The following MYT1L variants were observed in gnomAD, a reference collection of about 807,000 sequenced individuals.
MYT1L encodes the protein myelin transcription factor 1-like protein.
In MYT1L, 12 loss-of-function variants were observed where a neutral mutation model predicts 126.7. The observed-to-expected ratio is 0.09, with a 90% CI of 0.06 to 0.15. MYT1L has a LOEUF of 0.15. Among genes scored for constraint, MYT1L ranks in the 10% least tolerant of loss-of-function variants. The pLI is 1.00. For missense variants in MYT1L, 979 were observed against 1,585.2 expected, an observed-to-expected ratio of 0.62 and a Z score of 6.49; for synonymous variants, 541 against 604.2, an observed-to-expected ratio of 0.90 and a Z score of 1.53.
At chr2:1,946,807 C>G (rs2057272395) in intron 8 of MYT1L, among the ~76,000 whole-genome samples, 1 of 152,094 alleles carries the variant, frequency 6.6e-6, no homozygotes, top group Admixed American at 6.5e-5. Flanking sequence ...CCAGCCACAC[C>G]TTCATGCTGA....
intron 3 of MYT1L, among the ~76,000 whole-genome samples, chr2:2,133,275 G>A (rs1325491859): frequency 6.6e-6 from 1 of 152,176 alleles, no homozygotes; most frequent in Non-Finnish European, 1.5e-5. Flanking sequence ...CATACAGTTA[G>A]TGTCAATCAA....
chr2:1,980,366 C>G (rs1485258693), intron 5 of MYT1L, among the ~76,000 whole-genome samples: 1 of 149,776 alleles, frequency 6.7e-6, no homozygotes, highest in Admixed American at 6.7e-5. Context: ...CTCCTTGTAA[C>G]TGAAAGTTTT....
At chr2:1,900,118 C>T (rs891415315) in intron 14 of MYT1L, among the ~76,000 whole-genome samples, 1 of 152,206 alleles carries the variant, frequency 6.6e-6, no homozygotes, top group Non-Finnish European at 1.5e-5. Context: ...GGAACAATGA[C>T]TCAATTCTTT....
rs879542562 is a variant in MYT1L at position 1,910,508 on chromosome 2, G to C, written c.1710-161C>G. ...GTCCTGATGGGTGGACTGGGAGAGG[G>C]GGAGGTAGTCATGTTTCCAGGTGCA... is the stretch of plus-strand genomic sequence containing the variant. On this transcript the variant is annotated intron_variant, in intron 12 of 24. Coordinates refer to ENST00000647738, the MANE Select transcript of MYT1L (RefSeq NM_001303052.2). The surrounding 1 kb of genome is among the most constrained non-coding windows in gnomAD (Gnocchi z 4.8). Among the ~76,000 whole-genome samples, 1 of 152,176 alleles carries C rather than the reference G, an allele frequency of 6.6e-6. No individual in the cohort carries two copies. Among genetic ancestry groups the C allele is most frequent in the Non-Finnish European group, 1.5e-5 (1 of 68,024 alleles).
chr2:2,249,292 T>C (rs1424648258), intron 2 of MYT1L, among the ~76,000 whole-genome samples: 2 of 151,088 alleles, frequency 1.3e-5, no homozygotes, highest in Non-Finnish European at 3.0e-5. Context: ...TAAAAACAAA[T>C]ACCTAGGAAT....
At chr2:2,045,032 A>C (rs2150042376) in intron 4 of MYT1L, among the ~76,000 whole-genome samples, 1 of 152,354 alleles carries the variant, frequency 6.6e-6, no homozygotes, top group Non-Finnish European at 1.5e-5. Context: ...ATTTCCATGT[A>C]AATGAGGAGC....
chr2:2,177,657 T>C (rs565555472), intron 2 of MYT1L, among the ~76,000 whole-genome samples: 1 of 152,294 alleles, frequency 6.6e-6, no homozygotes, highest in East Asian at 1.9e-4. Context: ...TGGTACATGG[T>C]GGCAGGTGAA....
At chr2:2,049,655 G>T (rs1313574859) in intron 4 of MYT1L, among the ~76,000 whole-genome samples, 4 of 152,166 alleles carry the variant, frequency 2.6e-5, no homozygotes, top group Non-Finnish European at 5.9e-5. Context: ...CACATGTTGT[G>T]GGAGGGACCA....
chr2:1,836,815 T>C (rs574383662), intron 21 of MYT1L, among the ~76,000 whole-genome samples: 2 of 152,208 alleles, frequency 1.3e-5, no homozygotes, highest in East Asian at 3.9e-4. Flanking sequence ...ACCCCAATAT[T>C]CCATCAGCCT....
intron 2 of MYT1L, among the ~76,000 whole-genome samples, chr2:2,279,177 T>G (rs555268778): frequency 4.6e-5 from 7 of 152,326 alleles, no homozygotes; most frequent in Admixed American, 3.3e-4. Flanking sequence ...ACAGTTGTGA[T>G]GCTGTAAGGC....
rs547493409 is a variant in MYT1L at position 1,948,235 on chromosome 2, G to A, written c.153-4901C>T. 2.0e-5 allele frequency among the ~76,000 whole-genome samples: 3 copies of A among 152,218 alleles called. No individual in the cohort carries two copies. In the East Asian group the frequency reaches 5.8e-4, roughly 29 times the overall value. On this transcript the variant is annotated intron_variant, in intron 8 of 24. Transcript: ENST00000647738. ...GCGTAGCAACTTTTGGAATCATCTG[G>A]CGTCAAACTTCCAGTGCTTCCTGCC...
chr2:2,305,994 C>T (rs938027089), intron 1 of MYT1L: 6 of 152,196 alleles, frequency 3.9e-5, no homozygotes, highest in African/African-American at 1.2e-4. Flanking sequence ...GTTCATCTGT[C>T]CCACTTAATG....
At chr2:2,071,374 C>T (rs992821201) in intron 3 of MYT1L, among the ~76,000 whole-genome samples, 6 of 152,202 alleles carry the variant, frequency 3.9e-5, no homozygotes, top group East Asian at 3.9e-4. Context: ...TGTTCTACTA[C>T]GAGCTCAGCA....
intron 18 of MYT1L, among the ~76,000 whole-genome samples, chr2:1,880,707 G>A (rs2047421284): frequency 2.0e-5 from 3 of 152,222 alleles, no homozygotes; most frequent in Non-Finnish European, 4.4e-5. Flanking sequence ...GAAGGAAACT[G>A]AGGCACAGGG....
In MYT1L at chr2:1,806,685, C is replaced by A. The variant is rs75925228; in HGVS notation, c.3172+2391G>T. ...ATGGCCACCTCAGGGATCTGCCCAC[C>A]GCCGCCCAGGTGGACCAGCCCAGGT... On this transcript the variant is annotated intron_variant, in intron 22 of 24. Coordinates refer to ENST00000647738, the MANE Select transcript of MYT1L (RefSeq NM_001303052.2). This position sits in a 1 kb window ranked among gnomAD's most constrained non-coding sequence, Gnocchi z 4.9. Among the ~76,000 whole-genome samples the A allele has an allele frequency of 0.043, 6,555 of 152,240 alleles. 162 individuals are homozygous for A. The highest frequency in any genetic ancestry group is 0.072 in the East Asian group (371 of 5,166).
chr2:1,819,293 C>T (rs1247286987), intron 21 of MYT1L, among the ~76,000 whole-genome samples: 1 of 152,240 alleles, frequency 6.6e-6, no homozygotes, highest in Non-Finnish European at 1.5e-5. Flanking sequence ...ACACTTACCT[C>T]CTGTCCTCAA....
intron 21 of MYT1L, among the ~76,000 whole-genome samples, chr2:1,813,006 C>T (rs1288078281): frequency 6.6e-6 from 1 of 152,100 alleles, no homozygotes; most frequent in East Asian, 1.9e-4. Context: ...GACGCCTGGT[C>T]GGTCCACGGT....
chr2:1,892,375 C>T (rs1171904756), intron 14 of MYT1L, 88 bp from the exon 15 acceptor site: 2 of 1,473,430 alleles, frequency 1.4e-6, no homozygotes, highest in Non-Finnish European at 1.8e-6. Context: ...GCCCCGGCCT[C>T]AGCCACACAC....
chr2:2,016,472 G>A (rs901070164), intron 4 of MYT1L, among the ~76,000 whole-genome samples: 17 of 152,260 alleles, frequency 1.1e-4, no homozygotes, highest in African/African-American at 2.9e-4. Context: ...TCTCACAGCC[G>A]CCATGGCACT....
Sources: allele counts gnomAD v4.1 joint callset (sites outside exome capture counted in the v4.1 genomes callset), GRCh38; gene constraint gnomAD v4.1.1; non-coding constraint Gnocchi (gnomAD v3.1); transcripts MANE v1.5; gene names NCBI Gene and HGNC (gene_info 2026-07-23, HGNC 2026-07-21).